The following MICU1 variants were observed in gnomAD, a reference collection of about 807,000 sequenced individuals.
The protein encoded by MICU1 is calcium uptake protein 1, mitochondrial.
Under a neutral mutation model 56.8 loss-of-function variants are expected in MICU1, and 45 were observed. The ratio of observed to expected loss-of-function variants is 0.79; its 90% CI spans 0.62 to 1.02. The LOEUF (loss-of-function observed/expected upper bound fraction) is 1.02. Ranked by LOEUF, MICU1 falls within the 50% of genes least tolerant of loss-of-function variation. The probability of loss-of-function intolerance (pLI) is 0.00; values close to 1 mark genes in which losing one functional copy is unlikely to be tolerated. For missense variants in MICU1, 504 were observed against 587.1 expected, an observed-to-expected ratio of 0.86 and a Z score of 1.46; for synonymous variants, 186 against 195.1, an observed-to-expected ratio of 0.95 and a Z score of 0.39.
At chr10:72,558,925 G>A (rs1253659473) in intron 3 of MICU1, among the ~76,000 whole-genome samples, 1 of 152,188 alleles carries the variant, frequency 6.6e-6, no homozygotes, top group Non-Finnish European at 1.5e-5. Flanking sequence ...GGCTGAGGCA[G>A]GAGAACTACC....
At chr10:72,592,084 A>G (rs1589373145) in intron 1 of MICU1, among the ~76,000 whole-genome samples, 1 of 147,350 alleles carries the variant, frequency 6.8e-6, no homozygotes, top group African/African-American at 2.5e-5. Flanking sequence ...ATCCTGGCTC[A>G]CTGCAACCTC....
intron 8 of MICU1, among the ~76,000 whole-genome samples, chr10:72,435,173 T>C (rs977978548): frequency 1.3e-5 from 2 of 151,840 alleles, no homozygotes; most frequent in African/African-American, 4.8e-5. Flanking sequence ...GAGTACTGCT[T>C]GAGGCCAGGA....
intron 4 of MICU1, among the ~76,000 whole-genome samples, chr10:72,541,988 AAAGTAAGGG>A (rs1436936642): frequency 8.5e-5 from 13 of 152,230 alleles, no homozygotes; most frequent in African/African-American, 3.1e-4. Flanking sequence ...TCTTTACATA[AAAGTAAGGG>A]AAACTTATAA....
chr10:72,479,137 A>G (rs1866211382), intron 6 of MICU1, among the ~76,000 whole-genome samples: 1 of 152,200 alleles, frequency 6.6e-6, no homozygotes, highest in African/African-American at 2.4e-5. Flanking sequence ...TTGTTTAAAC[A>G]GAGGAGGATA....
intron 8 of MICU1, among the ~76,000 whole-genome samples, chr10:72,470,096 C>T (rs1865905839): frequency 6.6e-6 from 1 of 152,292 alleles, no homozygotes; most frequent in Admixed American, 6.5e-5. Flanking sequence ...CTACAAACAT[C>T]ATCTCACTTA....
At chr10:72,421,002 CA>C (rs34221911) in intron 9 of MICU1, among the ~76,000 whole-genome samples, 4,772 of 108,586 alleles carry the variant, frequency 0.044, 262 homozygotes, top group African/African-American at 0.16. Flanking sequence ...AACTCCGTCT[CA>C]AAAAAAAAAA....
intron 9 of MICU1, among the ~76,000 whole-genome samples, chr10:72,413,350 A>C (rs1863885558): frequency 6.6e-6 from 1 of 152,264 alleles, no homozygotes. Flanking sequence ...ACTTCATCAA[A>C]ATTTAAAAAA....
intron 10 of MICU1, 72 bp from the exon 11 acceptor site, chr10:72,375,944 A>AAC: frequency 7.9e-7 from 1 of 1,268,040 alleles, no homozygotes; most frequent in East Asian, 2.7e-5. Context: ...CAGGGGATAA[A>AAC]ACGACTCAGT....
chr10:72,432,585 C>T (rs574056516), intron 8 of MICU1, among the ~76,000 whole-genome samples: 1 of 152,292 alleles, frequency 6.6e-6, no homozygotes, highest in Non-Finnish European at 1.5e-5. Flanking sequence ...AGGGAGCTAA[C>T]AGACATGGTG....
intron 8 of MICU1, among the ~76,000 whole-genome samples, chr10:72,429,350 G>A (rs1864449390): frequency 1.3e-5 from 2 of 151,264 alleles, no homozygotes; most frequent in Non-Finnish European, 2.9e-5. Context: ...AACCTGGGAG[G>A]TGGAGGTTGC....
intron 8 of MICU1, among the ~76,000 whole-genome samples, chr10:72,458,695 G>A (rs1451762525): frequency 7.6e-6 from 1 of 130,932 alleles, no homozygotes; most frequent in Non-Finnish European, 1.6e-5. Context: ...GAATTCAAAT[G>A]CGGTTCCTGT....
At chr10:72,559,324 T>G (rs894995491) in intron 3 of MICU1, among the ~76,000 whole-genome samples, 3 of 152,160 alleles carry the variant, frequency 2.0e-5, no homozygotes, top group Non-Finnish European at 4.4e-5. Context: ...CTCATTTCTT[T>G]TTTAAAAAAC....
intron 1 of MICU1, among the ~76,000 whole-genome samples, chr10:72,600,715 G>A (rs1207861064): frequency 2.0e-5 from 3 of 151,444 alleles, no homozygotes; most frequent in African/African-American, 7.3e-5. Flanking sequence ...AACTGCAAAC[G>A]TTATGGCCAC....
chr10:72,453,799 G>T lies in MICU1; in HGVS notation c.933+21301C>A, dbSNP rs187707697. 2.8e-3 allele frequency among the ~76,000 whole-genome samples: 426 copies of T among 151,370 alleles called. 3 individuals carry two copies. Among genetic ancestry groups the T allele is most frequent in the African/African-American group, 9.7e-3 (402 of 41,290 alleles). The stretch of plus-strand genomic sequence containing the variant: ...ACCCACCTCAGCCTCCCAAAGTGCT[G>T]GGATTACAGGCGTGAGCCACCGCGC... On this transcript the variant is annotated intron_variant, in intron 8 of 11. Coordinates refer to ENST00000361114, the MANE Select transcript of MICU1 (RefSeq NM_001195518.2).
intron 10 of MICU1, among the ~76,000 whole-genome samples, chr10:72,378,189 G>T (rs1862587272): frequency 6.6e-6 from 1 of 152,148 alleles, no homozygotes; most frequent in South Asian, 2.1e-4. Flanking sequence ...GGAGGCGGAG[G>T]TTGCAGTGAG....
intron 6 of MICU1, among the ~76,000 whole-genome samples, chr10:72,502,353 G>A (rs1208837501): frequency 1.3e-5 from 2 of 151,704 alleles, no homozygotes; most frequent in African/African-American, 2.4e-5. Flanking sequence ...ATGGGGTTTC[G>A]CCATGTTGGC....
intron 8 of MICU1, among the ~76,000 whole-genome samples, chr10:72,442,216 C>T (rs1394553978): frequency 6.6e-6 from 1 of 152,058 alleles, no homozygotes; most frequent in East Asian, 1.9e-4. Context: ...AATCTTGGCT[C>T]ACTGCAACCT....
intron 9 of MICU1, among the ~76,000 whole-genome samples, chr10:72,421,861 G>T (rs537869993): frequency 4.6e-5 from 7 of 152,250 alleles, no homozygotes; most frequent in African/African-American, 1.7e-4. Context: ...CACTGTGAGT[G>T]AACTCCAAAC....
chr10:72,543,278 AC>A (rs1839817421), intron 4 of MICU1, among the ~76,000 whole-genome samples: 2 of 152,338 alleles, frequency 1.3e-5, no homozygotes, highest in Admixed American at 6.5e-5. Context: ...TTGGAAAAAA[AC>A]ATTAGTGCAA....
Sources: allele counts gnomAD v4.1 joint callset (sites outside exome capture counted in the v4.1 genomes callset), GRCh38; gene constraint gnomAD v4.1.1; transcripts MANE v1.5; gene names NCBI Gene and HGNC (gene_info 2026-07-23, HGNC 2026-07-21).